Variants in CERS4 observed in about 807,000 individuals in gnomAD.
The protein encoded by CERS4 is ceramide synthase 4, also known as LAG1 homolog, ceramide synthase 4.
In CERS4, 65 loss-of-function variants were observed where a neutral mutation model predicts 51.8. The ratio of observed to expected loss-of-function variants is 1.26; its 90% CI spans 1.03 to 1.54. The LOEUF is 1.54. Among genes scored for constraint, CERS4 ranks in the 40% most tolerant of loss-of-function variants. The pLI, the probability that CERS4 is intolerant of heterozygous loss-of-function variation, is 0.00. For synonymous variants in CERS4, 228 were observed against 208.4 expected (o/e 1.09, Z -0.81); for missense variants, 563 against 500.4 (o/e 1.13, Z -1.19).
At chr19:8,243,577 T>C (rs1968629934) in intron 2 of CERS4, among the ~76,000 whole-genome samples, 1 of 152,004 alleles carries the variant, frequency 6.6e-6, no homozygotes, top group Admixed American at 6.6e-5. Context: ...TTCTAATACT[T>C]CACTGATGCC....
At chr19:8,217,668 C>T (rs1187080233) in intron 2 of CERS4, among the ~76,000 whole-genome samples, 3 of 151,922 alleles carry the variant, frequency 2.0e-5, no homozygotes, top group Non-Finnish European at 4.4e-5. Context: ...TCCCCAGTAG[C>T]TGGGACTACA....
intron 2 of CERS4, among the ~76,000 whole-genome samples, chr19:8,221,014 A>G (rs1364780500): frequency 4.7e-5 from 7 of 150,388 alleles, no homozygotes; most frequent in Non-Finnish European, 7.4e-5. Context: ...TTTAGTAGAG[A>G]CGGGGTTTCA....
chr19:8,220,233 G>A (rs1967474189), intron 2 of CERS4, among the ~76,000 whole-genome samples: 1 of 147,044 alleles, frequency 6.8e-6, no homozygotes, highest in Non-Finnish European at 1.5e-5. Flanking sequence ...CCCACCCCTT[G>A]AAGATACCCT....
chr19:8,262,360 G>T lies in CERS4; in HGVS notation c.*251G>T. The T allele has an allele frequency of 2.5e-6, 1 of 396,462 alleles. No homozygotes were observed. Among genetic ancestry groups the T allele is most frequent in the Non-Finnish European group, 4.4e-6 (1 of 226,208 alleles). 24.6% of individuals were successfully genotyped at this position (396,462 alleles called of 1,614,324 possible). On this transcript the variant is annotated 3_prime_UTR_variant, in exon 12 of 12. Coordinates refer to ENST00000251363, the MANE Select transcript of CERS4 (RefSeq NM_024552.3). ...CTGGCCAGAGACACCTCCAGGCTGTGGCCTGGGGGCTGGGGGGAGCCCCAG... is the reference window on the plus strand; with the variant it reads ...CTGGCCAGAGACACCTCCAGGCTGTTGCCTGGGGGCTGGGGGGAGCCCCAG...
chr19:8,252,534 G>C (rs566831514), intron 3 of CERS4, among the ~76,000 whole-genome samples: 2 of 149,802 alleles, frequency 1.3e-5, no homozygotes, highest in Non-Finnish European at 3.0e-5. Flanking sequence ...TGCCTCCCAG[G>C]TTCAAGCGAC....
intron 2 of CERS4, among the ~76,000 whole-genome samples, chr19:8,211,944 C>T (rs1419573454): frequency 6.7e-6 from 1 of 149,510 alleles, no homozygotes; most frequent in Non-Finnish European, 1.5e-5. Context: ...CAGGGGGAGT[C>T]CAGAGGAGTC....
intron 10 of CERS4, among the ~76,000 whole-genome samples, chr19:8,260,767 T>A (rs1251006936): frequency 6.6e-6 from 1 of 150,716 alleles, no homozygotes; most frequent in East Asian, 2.0e-4. Flanking sequence ...CTGGCCAACA[T>A]GGCAAAAACC....
intron 7 of CERS4, 101 bp downstream of exon 7, chr19:8,256,387 T>C: frequency 7.5e-7 from 1 of 1,325,670 alleles, no homozygotes; most frequent in Non-Finnish European, 1.1e-6. Flanking sequence ...TACACTGTCA[T>C]TCCCCACTGA....
At chr19:8,229,429 TC>T (rs1967923595) in intron 2 of CERS4, among the ~76,000 whole-genome samples, 1 of 150,250 alleles carries the variant, frequency 6.7e-6, no homozygotes, top group South Asian at 2.1e-4. Context: ...TTCTTCTTCT[TC>T]TTCTTCGTGT....
intron 10 of CERS4, among the ~76,000 whole-genome samples, chr19:8,258,301 C>T (rs1228933482): frequency 6.6e-6 from 1 of 152,174 alleles, no homozygotes; most frequent in African/African-American, 2.4e-5. Context: ...GCAGAGGCCA[C>T]AGTTCAAAGA....
intron 2 of CERS4, among the ~76,000 whole-genome samples, chr19:8,214,920 AGAGGAAAGGGAGGAAGACGAGGGG>A (rs990173989): frequency 1.4e-5 from 2 of 139,792 alleles, no homozygotes; most frequent in Admixed American, 7.1e-5. Flanking sequence ...GGGAGGAGGA[AGAGGAAAGGGAGGAAGACGAGGGG>A]GAGGAGAGGG....
At chr19:8,214,890 C>T (rs1435102155) in intron 2 of CERS4, among the ~76,000 whole-genome samples, 3 of 137,430 alleles carry the variant, frequency 2.2e-5, no homozygotes, top group African/African-American at 8.3e-5. Context: ...AGATGAAGGG[C>T]AGTGGGGAGG....
intron 2 of CERS4, among the ~76,000 whole-genome samples, chr19:8,221,321 G>A (rs1967531315): frequency 6.6e-6 from 1 of 152,030 alleles, no homozygotes. Context: ...ACCTCCCCTT[G>A]AATCTGGAGT....
At chr19:8,227,679 G>A (rs1168890664) in intron 2 of CERS4, among the ~76,000 whole-genome samples, 1 of 152,040 alleles carries the variant, frequency 6.6e-6, no homozygotes, top group Non-Finnish European at 1.5e-5. Flanking sequence ...AACATGTCAT[G>A]TGGGTGAACC....
At chr19:8,259,159 G>A (rs545126427) in intron 10 of CERS4, among the ~76,000 whole-genome samples, 2 of 152,314 alleles carry the variant, frequency 1.3e-5, no homozygotes, top group East Asian at 3.9e-4. Context: ...CAGGAAGGGA[G>A]CAGGAAGTAT....
chr19:8,256,037 G>C (rs1196249004), intron 6 of CERS4, 158 bp downstream of exon 6: 2 of 953,870 alleles, frequency 2.1e-6, no homozygotes, highest in South Asian at 1.6e-5. Context: ...CACTCAACAG[G>C]TATTTGGATT....
In CERS4 at chr19:8,210,798, C is replaced by T. The variant is rs553553674; in HGVS notation, c.-66C>T. The T allele has an allele frequency of 1.6e-4, 24 of 152,162 alleles. No homozygotes were observed. The East Asian group carries it at 2.7e-3, about 17-fold the overall frequency. 9.4% of individuals were successfully genotyped at this position (152,162 alleles called of 1,614,324 possible). On this transcript the variant is annotated 5_prime_UTR_variant, in exon 2 of 12. Coordinates refer to ENST00000251363, the MANE Select transcript of CERS4 (RefSeq NM_024552.3). This position sits in a 1 kb window ranked among gnomAD's most constrained non-coding sequence, Gnocchi z 4.2. ...CTGGGCCCCAGCAGGCCCAGCCAGG[C>T]GTGGAGGAAGAGGCATTGAGGACTT...
intron 2 of CERS4, among the ~76,000 whole-genome samples, chr19:8,237,969 G>A (rs1012816984): frequency 2.0e-5 from 3 of 152,036 alleles, no homozygotes; most frequent in African/African-American, 7.3e-5. Context: ...AATAGCCCAA[G>A]TGGGCCCCCT....
chr19:8,240,034 G>A (rs1968457323), intron 2 of CERS4, among the ~76,000 whole-genome samples: 1 of 152,134 alleles, frequency 6.6e-6, no homozygotes, highest in South Asian at 2.1e-4. Context: ...ATAATATGGT[G>A]GCCTCTTTGG....
Sources: gnomAD v4.1 joint callset for allele counts (sites outside exome capture counted in the v4.1 genomes callset) on GRCh38, gnomAD v4.1.1 for gene constraint, Gnocchi (gnomAD v3.1) non-coding constraint, MANE v1.5 for transcripts, NCBI Gene and HGNC (gene_info 2026-07-23, HGNC 2026-07-21) for gene names.